The following RAD51D variants were observed in gnomAD, a reference collection of about 807,000 sequenced individuals.
The protein encoded by RAD51D is RAD51 paralog D, also known as DNA repair protein RAD51 homolog 4.
A neutral mutation model predicts 44.1 loss-of-function variants in RAD51D; 38 were observed. That is an observed-to-expected ratio of 0.86 (90% CI 0.67 to 1.13). The LOEUF (loss-of-function observed/expected upper bound fraction) is 1.13. Ranked by LOEUF, RAD51D falls within the 50% of genes most tolerant of loss-of-function variation. The probability of loss-of-function intolerance (pLI) is 0.00; values close to 1 mark genes in which losing one functional copy is unlikely to be tolerated. For missense variants in RAD51D, 390 were observed against 414.0 expected, an observed-to-expected ratio of 0.94 and a Z score of 0.50; for synonymous variants, 141 against 166.6, an observed-to-expected ratio of 0.85 and a Z score of 1.18.
chr17:35,117,625 G>A (rs900453497), intron 3 of RAD51D, among the ~76,000 whole-genome samples: 1 of 152,126 alleles, frequency 6.6e-6, no homozygotes, highest in Admixed American at 6.5e-5. Context: ...AAGTAGCTGG[G>A]ACTACAGGCG....
In RAD51D at chr17:35,119,548, G is replaced by A. The variant is rs876660902; in HGVS notation, c.66C>T (p.Ser22=). Residue 22 remains serine, a synonymous_variant, in exon 1 of 10, where the codon AGC becomes AGT. Coordinates refer to ENST00000345365, the MANE Select transcript of RAD51D (RefSeq NM_002878.4). ...LTEEMIQLLR[S]HRIKTVVDLV... ...CCCGGTCACCTGTCTTGATCCTGTGGCTCCTGAGAAGCTGGATCATCTCCT... is the reference window on the plus strand; with the variant it reads ...CCCGGTCACCTGTCTTGATCCTGTGACTCCTGAGAAGCTGGATCATCTCCT... 1.2e-6 allele frequency: 2 copies of A among 1,612,502 alleles called. No homozygotes were observed. Among genetic ancestry groups the A allele is most frequent in the Non-Finnish European group, 1.7e-6 (2 of 1,179,926 alleles).
In RAD51D at chr17:35,098,299, A is replaced by C. The variant is rs979845688; in HGVS notation, c.*2654T>G. The C allele has an allele frequency of 2.6e-5, 4 of 152,122 alleles. No homozygotes were observed. Among genetic ancestry groups the C allele is most frequent in the African/African-American group, 9.7e-5 (4 of 41,402 alleles). The allele number at this position is 152,122 out of a possible 1,614,324, so 9.4% of individuals were successfully genotyped here. A position where few individuals can be genotyped will look rare whatever the true frequency, so the allele number is the denominator to read the frequency against. The stretch of plus-strand genomic sequence containing the variant: ...GCCCAGGCTGGAGTGCAGTGGCATG[A>C]TCGCAGGTCATTGCAACCTCTGCCT... On this transcript the variant is annotated 3_prime_UTR_variant, in exon 10 of 10. Transcript: ENST00000345365.
intron 3 of RAD51D, among the ~76,000 whole-genome samples, chr17:35,109,930 G>A (rs2091654806): frequency 6.8e-6 from 1 of 147,660 alleles, no homozygotes; most frequent in South Asian, 2.1e-4. Flanking sequence ...GCCTCCCGAA[G>A]TGCTGGGATT....
chr17:35,119,355 C>G (rs1358917665), intron 1 of RAD51D, 177 bp downstream of exon 1: 3 of 912,092 alleles, frequency 3.3e-6, no homozygotes, highest in East Asian at 2.5e-5. Flanking sequence ...GAATCTCTAC[C>G]CTGTTTTAGA....
Position 35,119,609 on chromosome 17 carries a change from C to T in RAD51D, c.5G>A (p.Gly2Asp), listed in dbSNP as rs763716638. M[G>D]VLRVGLCPGL... ...AGGGCACAGTCCGACCCTGAGCACGCCCATGTTCCCCGCAGGCCGGAACAG... is the reference window on the plus strand; with the variant it reads ...AGGGCACAGTCCGACCCTGAGCACGTCCATGTTCCCCGCAGGCCGGAACAG... Residue 2 changes from glycine to aspartate, a missense_variant, in exon 1 of 10, where the codon GGC (glycine) becomes GAC (aspartate). Physicochemically the swap from Gly to Asp is moderately conservative, Grantham distance 94. Transcript: ENST00000345365. 6.2e-7 allele frequency: 1 copy of T among 1,611,184 alleles called. No individual in the cohort carries two copies. The highest frequency in any genetic ancestry group is 1.7e-5 in the Admixed American group (1 of 60,030).
At chr17:35,102,621 C>A (rs1370819693) in intron 8 of RAD51D, among the ~76,000 whole-genome samples, 3 of 137,264 alleles carry the variant, frequency 2.2e-5, no homozygotes, top group East Asian at 2.4e-4. Flanking sequence ...AGAGCGAAAC[C>A]CTATCTCAAA....
chr17:35,118,509 G>A lies in RAD51D; in HGVS notation c.255C>T (p.Gly85=), dbSNP rs750714062. The A allele has an allele frequency of 2.2e-5, 36 of 1,613,386 alleles. 1 individual carries two copies. The South Asian group carries it at 3.8e-4, about 17-fold the overall frequency. ...CAAGTACACACACAAACCTGCCAAT[G>A]CCAGTGGACAGGATGGCAGTGGAGG... ...LKTSTAILST[G]IGSLDKLLDA... The change falls in exon 3 of 10, where the codon GGC becomes GGT. Residue 85 remains glycine, a synonymous_variant. Transcript: ENST00000345365.
rs901479897 is a variant in RAD51D at position 35,093,970 on chromosome 17, C to G, written c.*6983G>C. On this transcript the variant is annotated 3_prime_UTR_variant, in exon 10 of 10. Transcript: ENST00000345365. ...CAATACAAAGATGATTAGCATGGCC[C>G]CTGAAATAAATTAAAATATAAATAA... 6.6e-6 allele frequency: 1 copy of G among 152,166 alleles called. No homozygotes were observed. The highest frequency in any genetic ancestry group is 6.5e-5 in the Admixed American group (1 of 15,268). 9.4% of individuals were successfully genotyped at this position (152,166 alleles called of 1,614,324 possible). A position where few individuals can be genotyped will look rare whatever the true frequency, so the allele number is the denominator to read the frequency against.
At chr17:35,106,666 C>T (rs1365890331) in intron 5 of RAD51D, among the ~76,000 whole-genome samples, 185 bp from the exon 6 acceptor site, 2 of 152,092 alleles carry the variant, frequency 1.3e-5, no homozygotes, top group Non-Finnish European at 2.9e-5. Context: ...GTACTCAGAA[C>T]TCAGCAGGAA....
chr17:35,093,769 C>T lies in RAD51D; in HGVS notation c.*7184G>A, dbSNP rs2091470774. On this transcript the variant is annotated 3_prime_UTR_variant, in exon 10 of 10. Transcript: ENST00000345365. ...AGTCAGTTTAGCCAGTGCAATAGGA[C>T]AAGAAAAAAATGATAGAAAGCATTC... The T allele has an allele frequency of 6.6e-6, 1 of 151,950 alleles. No homozygotes were observed. Among genetic ancestry groups the T allele is most frequent in the Admixed American group, 6.6e-5 (1 of 15,260 alleles). 9.4% of individuals were successfully genotyped at this position (151,950 alleles called of 1,614,324 possible). A position where few individuals can be genotyped will look rare whatever the true frequency, so the allele number is the denominator to read the frequency against.
At position 35,099,590 on chromosome 17, in the gene RAD51D, G is replaced by C. The variant is rs1321134279; in HGVS notation, c.*1363C>G. On this transcript the variant is annotated 3_prime_UTR_variant, in exon 10 of 10. Transcript: ENST00000345365. The stretch of plus-strand genomic sequence containing the variant: ...ACCCTGTCCTGAATCCAACACCCTG[G>C]TGCCAGTTTGCCACTCCTTCCCAAT... 5.8e-6 allele frequency: 2 copies of C among 347,672 alleles called. No homozygotes were observed. The highest frequency in any genetic ancestry group is 4.3e-5 in the African/African-American group (2 of 46,732). 21.5% of individuals were successfully genotyped at this position (347,672 alleles called of 1,614,324 possible). A position where few individuals can be genotyped will look rare whatever the true frequency, so the allele number is the denominator to read the frequency against.
At position 35,119,668 on chromosome 17, in the gene RAD51D, CG is replaced by C; in HGVS notation, c.-56del. 6.3e-7 allele frequency: 1 copy of C among 1,580,520 alleles called. No homozygotes were observed. Among genetic ancestry groups the C allele is most frequent in the Non-Finnish European group, 8.6e-7 (1 of 1,160,034 alleles). On this transcript the variant is annotated 5_prime_UTR_variant, in exon 1 of 10. It removes the in-frame stop codon of an upstream open reading frame in the 5' UTR. Transcript: ENST00000345365. ...GGACTGCACGTCACGTGGGCATTCGCGGGGGGTCCTCTCCAGACGCCCCTCC... is the reference window on the plus strand; with the variant it reads ...GGACTGCACGTCACGTGGGCATTCGCGGGGGTCCTCTCCAGACGCCCCTCC...
intron 5 of RAD51D, 45 bp from the exon 6 acceptor site, chr17:35,106,526 G>T (rs2091606222): frequency 6.9e-6 from 10 of 1,450,150 alleles, no homozygotes; most frequent in African/African-American, 1.4e-5. Flanking sequence ...ATAAGAGGGA[G>T]TAGGGGGGTC....
In RAD51D at chr17:35,096,814, T is replaced by C. The variant is rs967657233; in HGVS notation, c.*4139A>G. On this transcript the variant is annotated 3_prime_UTR_variant, in exon 10 of 10. Transcript: ENST00000345365. ...AGGTAGAGGGTACAGTGAGCCGTGA[T>C]TGTGCCACTGCACTCCAGAGCAAGA... The C allele has an allele frequency of 1.3e-5, 2 of 152,252 alleles. No homozygotes were observed. Among genetic ancestry groups the C allele is most frequent in the African/African-American group, 4.8e-5 (2 of 41,464 alleles). The allele number at this position is 152,252 out of a possible 1,614,324, so 9.4% of individuals were successfully genotyped here.
rs772135704 is a variant in RAD51D at position 35,103,301 on chromosome 17, C to A, written c.691G>T (p.Ala231Ser). ...REGLALMMQLARELKTLARDL... is the reference protein window; with the variant it reads ...REGLALMMQLSRELKTLARDL... ...CGGGCCAGGGTCTTCAGCTCTCGGG[C>A]CAGCTGCATCATCAAGGCCAAGCCT... The change falls in exon 8 of 10, where the codon GCC becomes TCC. Residue 231 changes from alanine (A) to serine (S), a missense_variant. Coordinates refer to ENST00000345365, the MANE Select transcript of RAD51D (RefSeq NM_002878.4). This position sits in a 1 kb window ranked among gnomAD's most constrained non-coding sequence, Gnocchi z 4.1. 2.9e-5 allele frequency: 47 copies of A among 1,611,894 alleles called. No homozygotes were observed. In the South Asian group the frequency reaches 5.1e-4, roughly 17 times the overall value.
chr17:35,115,663 A>G (rs1375563478), intron 3 of RAD51D, among the ~76,000 whole-genome samples: 1 of 152,022 alleles, frequency 6.6e-6, no homozygotes, highest in East Asian at 1.9e-4. Context: ...AGGTCAGAAG[A>G]TCGAGACCAT....
chr17:35,116,829 T>C (rs2091754299), intron 3 of RAD51D: 1 of 1,453,538 alleles, frequency 6.9e-7, no homozygotes, highest in Non-Finnish European at 9.5e-7. Context: ...TGCTCATTGG[T>C]GGTTGTGACG....
intron 8 of RAD51D, 132 bp from the exon 9 acceptor site, chr17:35,101,497 T>C (rs1010975112): frequency 2.0e-6 from 2 of 980,536 alleles, no homozygotes; most frequent in African/African-American, 1.6e-5. Context: ...CAAAACCTAA[T>C]GGCAGGTCTG....
chr17:35,106,882 G>C, intron 5 of RAD51D, 106 bp downstream of exon 5: 1 of 1,544,200 alleles, frequency 6.5e-7, no homozygotes, highest in East Asian at 2.2e-5. Flanking sequence ...AGAACAGCAA[G>C]TTTGAAGGCA....
Sources: gnomAD v4.1 joint callset for allele counts (sites outside exome capture counted in the v4.1 genomes callset) on GRCh38, gnomAD v4.1.1 for gene constraint, Gnocchi (gnomAD v3.1) non-coding constraint, MANE v1.5 for transcripts, NCBI Gene and HGNC (gene_info 2026-07-23, HGNC 2026-07-21) for gene names.